The following PDZRN4 variants were observed in gnomAD, a reference collection of about 807,000 sequenced individuals.
PDZRN4 encodes the protein PDZ domain containing ring finger 4, also known as PDZ domain-containing RING finger protein 4.
In PDZRN4, 70 loss-of-function variants were observed where a neutral mutation model predicts 99.0. That is an observed-to-expected ratio of 0.71 (90% CI 0.58 to 0.86). The LOEUF is 0.86. Ranked by LOEUF, PDZRN4 falls within the 40% of genes least tolerant of loss-of-function variation. The probability of loss-of-function intolerance (pLI) is 0.00; values close to 1 mark genes in which losing one functional copy is unlikely to be tolerated. For missense variants in PDZRN4, 1,474 were observed against 1,331.2 expected (o/e 1.11, Z -1.67); for synonymous variants, 551 against 501.6 (o/e 1.10, Z -1.32).
intron 3 of PDZRN4, among the ~76,000 whole-genome samples, chr12:41,310,314 A>G (rs1303843074): frequency 1.3e-5 from 2 of 152,052 alleles, no homozygotes; most frequent in East Asian, 3.8e-4. Flanking sequence ...AAATTTGCAC[A>G]TTATCAATGT....
In PDZRN4 at chr12:41,470,549, G is replaced by C. The variant is rs1309627410; in HGVS notation, c.844-35907G>C. ...AAGTTTTAGGGTACATGTGCACAAC[G>C]TGCAGGTTTGTTACATATGTATACA... On this transcript the variant is annotated intron_variant, in intron 3 of 9. Coordinates refer to ENST00000402685, the MANE Select transcript of PDZRN4 (RefSeq NM_001164595.2). 2.0e-5 allele frequency among the ~76,000 whole-genome samples: 3 copies of C among 151,646 alleles called. No individual in the cohort carries two copies. In the East Asian group the frequency reaches 5.8e-4, roughly 29 times the overall value.
At chr12:41,511,930 A>G (rs1592091709) in intron 5 of PDZRN4, among the ~76,000 whole-genome samples, 1 of 152,122 alleles carries the variant, frequency 6.6e-6, no homozygotes, top group East Asian at 1.9e-4. Flanking sequence ...TTCTGTGACC[A>G]GCTGAGATGA....
chr12:41,207,201 GAC>G (rs1950856972), intron 3 of PDZRN4, among the ~76,000 whole-genome samples: 1 of 151,384 alleles, frequency 6.6e-6, no homozygotes, highest in Non-Finnish European at 1.5e-5. Context: ...TCTTTTCTTA[GAC>G]ATGTGTAATT....
At chr12:41,210,182 T>G (rs1258261238) in intron 3 of PDZRN4, among the ~76,000 whole-genome samples, 10 of 112,414 alleles carry the variant, frequency 8.9e-5, no homozygotes, top group Non-Finnish European at 1.7e-4. Context: ...TCACCCACTT[T>G]TTGATGGGGT....
intron 3 of PDZRN4, among the ~76,000 whole-genome samples, chr12:41,350,247 G>C (rs1951880857): frequency 6.6e-6 from 1 of 151,966 alleles, no homozygotes; most frequent in Non-Finnish European, 1.5e-5. Context: ...TGCTCCCGTG[G>C]CTTACTGATA....
intron 3 of PDZRN4, among the ~76,000 whole-genome samples, chr12:41,349,940 A>G (rs1951879206): frequency 6.6e-6 from 1 of 151,888 alleles, no homozygotes; most frequent in Admixed American, 6.6e-5. Context: ...AATTGCAAAT[A>G]ACACCACATG....
intron 6 of PDZRN4, among the ~76,000 whole-genome samples, chr12:41,554,208 G>T (rs1453311831): frequency 1.3e-5 from 2 of 152,172 alleles, no homozygotes; most frequent in Non-Finnish European, 2.9e-5. Context: ...GAGATAGGAA[G>T]GTAGAAGTTT....
chr12:41,199,358 T>C (rs1281509984), intron 3 of PDZRN4, among the ~76,000 whole-genome samples: 1 of 152,058 alleles, frequency 6.6e-6, no homozygotes, highest in East Asian at 1.9e-4. Flanking sequence ...CAAAAAACAA[T>C]AGATGTTGGT....
intron 5 of PDZRN4, among the ~76,000 whole-genome samples, chr12:41,548,054 A>G (rs1938987989): frequency 6.6e-6 from 1 of 152,224 alleles, no homozygotes; most frequent in Non-Finnish European, 1.5e-5. Flanking sequence ...AAAAGACATG[A>G]TCATAGGCTT....
At chr12:41,512,179 TTGTACCATAAATATTTAA>T (rs1938317678) in intron 5 of PDZRN4, among the ~76,000 whole-genome samples, 1 of 152,092 alleles carries the variant, frequency 6.6e-6, no homozygotes, top group Admixed American at 6.6e-5. Flanking sequence ...TTTCATTCAT[TTGTACCATAAATATTTAA>T]TGAGGACTTA....
chr12:41,506,820 G>A (rs1938215255), intron 4 of PDZRN4, 108 bp downstream of exon 4: 2 of 1,236,610 alleles, frequency 1.6e-6, no homozygotes, highest in Admixed American at 2.3e-5. Flanking sequence ...ATGGAGACAG[G>A]CTTCCCAGCT....
chr12:41,207,211 AT>A (rs1220951951), intron 3 of PDZRN4, among the ~76,000 whole-genome samples: 1 of 151,532 alleles, frequency 6.6e-6, no homozygotes. Context: ...GACATGTGTA[AT>A]TTTTTTTGGA....
intron 5 of PDZRN4, among the ~76,000 whole-genome samples, chr12:41,511,912 T>A (rs1295914836): frequency 6.6e-6 from 1 of 152,130 alleles, no homozygotes; most frequent in African/African-American, 2.4e-5. Context: ...AGCAGACTGA[T>A]CTGGTGTTTC....
intron 3 of PDZRN4, among the ~76,000 whole-genome samples, chr12:41,427,182 T>A (rs917731193): frequency 1.4e-4 from 22 of 152,214 alleles, no homozygotes; most frequent in African/African-American, 5.1e-4. Flanking sequence ...GGAATTTAAC[T>A]GCTCCTGGAG....
intron 3 of PDZRN4, among the ~76,000 whole-genome samples, chr12:41,229,263 A>G (rs1301947083): frequency 6.6e-6 from 1 of 151,876 alleles, no homozygotes; most frequent in African/African-American, 2.4e-5. Context: ...GAAGATGCTC[A>G]CTATGGCACA....
chr12:41,426,082 T>C (rs1952533843), intron 3 of PDZRN4, among the ~76,000 whole-genome samples: 1 of 152,188 alleles, frequency 6.6e-6, no homozygotes, highest in Admixed American at 6.5e-5. Flanking sequence ...TGTTTTTAAA[T>C]CCATCAATGT....
At chr12:41,409,629 T>C (rs1431382344) in intron 3 of PDZRN4, 2 of 152,212 alleles carry the variant, frequency 1.3e-5, no homozygotes, top group Non-Finnish European at 2.9e-5. Context: ...AAGATCCAGA[T>C]ATTTAAATAT....
intron 3 of PDZRN4, among the ~76,000 whole-genome samples, chr12:41,343,174 G>T (rs1202374808): frequency 1.3e-5 from 2 of 151,888 alleles, no homozygotes; most frequent in East Asian, 3.9e-4. Flanking sequence ...TTTAATCTGG[G>T]AGGGTTGTAT....
intron 3 of PDZRN4, among the ~76,000 whole-genome samples, chr12:41,368,752 T>C (rs1163031336): frequency 6.6e-6 from 1 of 152,130 alleles, no homozygotes; most frequent in African/African-American, 2.4e-5. Context: ...TTTAGATCTG[T>C]ATCGCTTCCA....
Sources: gnomAD v4.1 joint callset for allele counts (sites outside exome capture counted in the v4.1 genomes callset) on GRCh38, gnomAD v4.1.1 for gene constraint, MANE v1.5 for transcripts, NCBI Gene and HGNC (gene_info 2026-07-23, HGNC 2026-07-21) for gene names.